Variants in AJAP1 observed in about 807,000 individuals in gnomAD.
The protein encoded by AJAP1 is adherens junction-associated protein 1.
Under a neutral mutation model 35.0 loss-of-function variants are expected in AJAP1, and 5 were observed. That is an observed-to-expected ratio of 0.14 (90% CI 0.07 to 0.30). AJAP1 has a LOEUF of 0.30. Among genes scored for constraint, AJAP1 ranks in the 10% least tolerant of loss-of-function variants. AJAP1 has a pLI of 1.00. For synonymous variants in AJAP1, 284 were observed against 249.3 expected (o/e 1.14, Z -1.31); for missense variants, 586 against 571.0 (o/e 1.03, Z -0.27).
chr1:4,655,491 C>A lies in AJAP1; in HGVS notation c.29+37C>A, dbSNP rs200395885. On this transcript the variant is annotated intron_variant, in intron 1 of 5. Transcript: ENST00000378191. This position sits in a 1 kb window ranked among gnomAD's most constrained non-coding sequence, Gnocchi z 6.9. ...GGCCGGCGCCGGGTGCGTGTGGGCG[C>A]GTGGGTGCCAGGCTGGGCGGAAGCG... 1.9e-5 allele frequency: 29 copies of A among 1,558,906 alleles called. No individual in the cohort carries two copies. Among genetic ancestry groups the A allele is most frequent in the Non-Finnish European group, 2.4e-5 (28 of 1,151,034 alleles).
chr1:4,769,707 C>A, intron 2 of AJAP1, 146 bp from the exon 3 acceptor site: 1 of 724,422 alleles, frequency 1.4e-6, no homozygotes, highest in East Asian at 2.5e-5. Flanking sequence ...AACTGAGCAC[C>A]TGTCATGCTG....
intron 2 of AJAP1, among the ~76,000 whole-genome samples, chr1:4,766,720 A>G (rs1641694337): frequency 6.6e-6 from 1 of 152,190 alleles, no homozygotes; most frequent in African/African-American, 2.4e-5. Context: ...TCTTGAACTT[A>G]TTTAACGACA....
chr1:4,663,883 T>C (rs1639058006), intron 1 of AJAP1, among the ~76,000 whole-genome samples: 1 of 152,062 alleles, frequency 6.6e-6, no homozygotes, highest in South Asian at 2.1e-4. Context: ...GAAGGGTGAC[T>C]CCAGTACTGC....
At chr1:4,727,650 C>T (rs1370474434) in intron 2 of AJAP1, among the ~76,000 whole-genome samples, 2 of 152,238 alleles carry the variant, frequency 1.3e-5, no homozygotes, top group African/African-American at 4.8e-5. Flanking sequence ...CTGGCATCTG[C>T]ACCTCTGTGG....
chr1:4,692,311 C>T lies in AJAP1; in HGVS notation c.30-19589C>T, dbSNP rs1236903381. Among the ~76,000 whole-genome samples the T allele has an allele frequency of 6.6e-6, 1 of 152,160 alleles. No homozygotes were observed. Among genetic ancestry groups the T allele is most frequent in the East Asian group, 1.9e-4 (1 of 5,178 alleles). ...TCCTCACCCCGCGCCCTGGGCTGCT[C>T]TCCTCTCTCCGTCTCTGGGCCCCTC... On this transcript the variant is annotated intron_variant, in intron 1 of 5. Coordinates refer to ENST00000378191, the MANE Select transcript of AJAP1 (RefSeq NM_018836.4). The surrounding 1 kb of genome is among the most constrained non-coding windows in gnomAD (Gnocchi z 4.4).
At chr1:4,778,768 G>A (rs1300539972) in intron 5 of AJAP1, among the ~76,000 whole-genome samples, 2 of 152,170 alleles carry the variant, frequency 1.3e-5, no homozygotes, top group African/African-American at 2.4e-5. Flanking sequence ...CCTCCACGTC[G>A]TGTCTGTGGC....
chr1:4,675,371 A>C (rs1263816093), intron 1 of AJAP1, among the ~76,000 whole-genome samples: 2 of 152,230 alleles, frequency 1.3e-5, no homozygotes, highest in Non-Finnish European at 2.9e-5. Context: ...CCACGCATGG[A>C]GTTTCCGGCC....
Position 4,787,745 on chromosome 1 carries a change from A to T in AJAP1, c.*5260A>T. On this transcript the variant is annotated 3_prime_UTR_variant, in exon 6 of 6. Transcript: ENST00000378191. ...GCAGGTCTCAGGTCAGCCAGGTCTCAAGGAGGATAAGGGGGTTCAACGTCA... is the reference window on the plus strand; with the variant it reads ...GCAGGTCTCAGGTCAGCCAGGTCTCTAGGAGGATAAGGGGGTTCAACGTCA... 1 of 455,990 alleles carries T rather than the reference A, an allele frequency of 2.2e-6. No individual in the cohort carries two copies. Among genetic ancestry groups the T allele is most frequent in the Non-Finnish European group, 4.4e-6 (1 of 226,894 alleles). 28.2% of individuals were successfully genotyped at this position (455,990 alleles called of 1,614,324 possible).
intron 2 of AJAP1, among the ~76,000 whole-genome samples, chr1:4,716,288 C>T (rs1376711378): frequency 6.6e-6 from 1 of 152,220 alleles, no homozygotes; most frequent in Non-Finnish European, 1.5e-5. Context: ...GTCCCACTGC[C>T]TGTCTTCAAA....
chr1:4,734,930 G>A lies in AJAP1; in HGVS notation c.829+22231G>A, dbSNP rs1391717774. ...GTCCACCGGCACAGATGGCAATGTT[G>A]TTTCTCGACTCCTCCGTCCATCGCC... On this transcript the variant is annotated intron_variant, in intron 2 of 5. Coordinates refer to ENST00000378191, the MANE Select transcript of AJAP1 (RefSeq NM_018836.4). This position sits in a 1 kb window ranked among gnomAD's most constrained non-coding sequence, Gnocchi z 4.3. 6.6e-6 allele frequency among the ~76,000 whole-genome samples: 1 copy of A among 152,200 alleles called. No homozygotes were observed. The highest frequency in any genetic ancestry group is 1.5e-5 in the Non-Finnish European group (1 of 68,040).
chr1:4,681,117 C>T (rs1261506096), intron 1 of AJAP1, among the ~76,000 whole-genome samples: 1 of 152,130 alleles, frequency 6.6e-6, no homozygotes, highest in East Asian at 1.9e-4. Flanking sequence ...GATTAAACAG[C>T]CAAACCCATA....
intron 1 of AJAP1, among the ~76,000 whole-genome samples, chr1:4,668,293 C>T (rs1210524032): frequency 6.6e-6 from 1 of 151,674 alleles, no homozygotes; most frequent in Non-Finnish European, 1.5e-5. Flanking sequence ...GCTAAAAGCC[C>T]TCTTCTTAAA....
chr1:4,665,737 A>G (rs1557599750), intron 1 of AJAP1, among the ~76,000 whole-genome samples: 1 of 152,174 alleles, frequency 6.6e-6, no homozygotes, highest in East Asian at 1.9e-4. Context: ...AGACACTTTC[A>G]TGCAGCAGAC....
intron 2 of AJAP1, among the ~76,000 whole-genome samples, chr1:4,752,621 C>T (rs1488467150): frequency 1.3e-5 from 2 of 152,132 alleles, no homozygotes; most frequent in African/African-American, 4.8e-5. Flanking sequence ...TGAGGTCTGG[C>T]CTCCTTCCTT....
chr1:4,659,161 G>T (rs113215989), intron 1 of AJAP1, among the ~76,000 whole-genome samples: 104 of 152,352 alleles, frequency 6.8e-4, no homozygotes, highest in African/African-American at 2.4e-3. Context: ...CAAGAGCCCA[G>T]GGGCTCCTCT....
chr1:4,779,344 T>C (rs1395827711), intron 5 of AJAP1, among the ~76,000 whole-genome samples: 1 of 151,536 alleles, frequency 6.6e-6, no homozygotes, highest in Non-Finnish European at 1.5e-5. Flanking sequence ...CTTTTTCTTT[T>C]TTTTTTTTTG....
intron 1 of AJAP1, among the ~76,000 whole-genome samples, chr1:4,707,007 G>C (rs931065361): frequency 4.6e-5 from 7 of 152,134 alleles, no homozygotes; most frequent in African/African-American, 9.7e-5. Context: ...CTGAGAGGGA[G>C]CTGTCCCTGC....
intron 1 of AJAP1, among the ~76,000 whole-genome samples, chr1:4,657,406 T>C (rs890295250): frequency 3.3e-5 from 5 of 152,134 alleles, no homozygotes; most frequent in African/African-American, 1.2e-4. Flanking sequence ...GTCTTGTTAC[T>C]GCTGTCTCCT....
chr1:4,703,417 T>C (rs976496061), intron 1 of AJAP1, among the ~76,000 whole-genome samples: 21 of 151,906 alleles, frequency 1.4e-4, no homozygotes, highest in Non-Finnish European at 2.8e-4. Context: ...GCGAGCCTGC[T>C]CTTGAGTTGG....
Sources: allele counts gnomAD v4.1 joint callset (sites outside exome capture counted in the v4.1 genomes callset), GRCh38; gene constraint gnomAD v4.1.1; non-coding constraint Gnocchi (gnomAD v3.1); transcripts MANE v1.5; gene names NCBI Gene and HGNC (gene_info 2026-07-23, HGNC 2026-07-21).